Variants in WWP2 observed in about 807,000 individuals in gnomAD.
WWP2 encodes NEDD4-like E3 ubiquitin-protein ligase WWP2.
Under a neutral mutation model 121.0 loss-of-function variants are expected in WWP2, and 57 were observed. The ratio of observed to expected loss-of-function variants is 0.47; its 90% CI spans 0.38 to 0.59. WWP2 has a LOEUF of 0.59. WWP2 is among the 20% of genes least tolerant of loss of function. The pLI is 0.00. For missense variants in WWP2, 962 were observed against 1,158.9 expected (o/e 0.83, Z 2.47); for synonymous variants, 449 against 441.3 (o/e 1.02, Z -0.22).
At chr16:69,777,220 A>G (rs898087996) in intron 1 of WWP2, among the ~76,000 whole-genome samples, 4 of 149,130 alleles carry the variant, frequency 2.7e-5, no homozygotes, top group Non-Finnish European at 5.9e-5. Flanking sequence ...TCATATATGC[A>G]CCTATTAATA....
chr16:69,880,314 A>G (rs1463194984), intron 7 of WWP2, among the ~76,000 whole-genome samples: 1 of 152,026 alleles, frequency 6.6e-6, no homozygotes. Flanking sequence ...TCTTACATAC[A>G]GTGAGAATTT....
chr16:69,804,951 A>T (rs1461513333), intron 4 of WWP2, among the ~76,000 whole-genome samples: 1 of 151,736 alleles, frequency 6.6e-6, no homozygotes, highest in Non-Finnish European at 1.5e-5. Flanking sequence ...TTGTTGGTAA[A>T]TGGCTGTTTC....
At position 69,939,268 on chromosome 16, in the gene WWP2, G is replaced by A. The variant is rs1466513394; in HGVS notation, c.2441-73G>A. 3.1e-6 allele frequency: 5 copies of A among 1,597,472 alleles called. No individual in the cohort carries two copies. The East Asian group carries it at 1.1e-4, about 36-fold the overall frequency. On this transcript the variant is annotated intron_variant, in intron 22 of 23. Transcript: ENST00000359154. ...CATCCTGGGGCCGAGCCCATCTGTG[G>A]GTGGAGCCGGAGGATCCTGCTTTGG...
At chr16:69,893,722 T>C (rs554830806) in intron 8 of WWP2, among the ~76,000 whole-genome samples, 1 of 152,268 alleles carries the variant, frequency 6.6e-6, no homozygotes, top group African/African-American at 2.4e-5. Flanking sequence ...TTTGTATTTT[T>C]TAGTAGAGCC....
At chr16:69,911,257 A>G (rs1437891220) in intron 9 of WWP2, among the ~76,000 whole-genome samples, 5 of 152,224 alleles carry the variant, frequency 3.3e-5, no homozygotes, top group African/African-American at 4.8e-5. Context: ...AGCAATAAGT[A>G]TTGGACCTAG....
chr16:69,904,713 C>G (rs936771376), intron 8 of WWP2, among the ~76,000 whole-genome samples: 1 of 152,162 alleles, frequency 6.6e-6, no homozygotes, highest in Non-Finnish European at 1.5e-5. Context: ...AGATCCTGCC[C>G]TTTTGGTAAA....
intron 6 of WWP2, among the ~76,000 whole-genome samples, chr16:69,861,248 A>G (rs1219898289): frequency 6.6e-6 from 1 of 151,494 alleles, no homozygotes; most frequent in Non-Finnish European, 1.5e-5. Context: ...TCCCCTCTGA[A>G]CTCTCTAGCT....
At chr16:69,908,011 T>G (rs1597143342) in intron 8 of WWP2, among the ~76,000 whole-genome samples, 1 of 151,966 alleles carries the variant, frequency 6.6e-6, no homozygotes, top group African/African-American at 2.4e-5. Context: ...CAGGCCAAGG[T>G]GGGTGGGTCG....
chr16:69,876,765 T>C (rs2057743335), intron 7 of WWP2, among the ~76,000 whole-genome samples: 1 of 152,198 alleles, frequency 6.6e-6, no homozygotes, highest in African/African-American at 2.4e-5. Context: ...AAAACAACAT[T>C]AATCTCCTTG....
At chr16:69,936,019 G>A (rs1467436936) in intron 18 of WWP2, 33 bp downstream of exon 18, 16 of 1,607,020 alleles carry the variant, frequency 1.0e-5, no homozygotes, top group Non-Finnish European at 1.3e-5. Flanking sequence ...CCACCGCGCT[G>A]ATAGGAGGGA....
At chr16:69,802,951 A>G (rs2056201743) in intron 4 of WWP2, among the ~76,000 whole-genome samples, 1 of 152,102 alleles carries the variant, frequency 6.6e-6, no homozygotes, top group South Asian at 2.1e-4. Context: ...ATCTGAAAAA[A>G]TCTGAAATCC....
chr16:69,919,988 T>G (rs1295954025), intron 10 of WWP2, among the ~76,000 whole-genome samples: 5 of 151,784 alleles, frequency 3.3e-5, no homozygotes, highest in Non-Finnish European at 5.9e-5. Flanking sequence ...AGAGATGGGG[T>G]TTTGCCATGT....
Position 69,930,240 on chromosome 16 carries a change from G to C in WWP2, c.1427G>C (p.Arg476Pro), listed in dbSNP as rs1194651524. 6.2e-7 allele frequency: 1 copy of C among 1,613,762 alleles called. No homozygotes were observed. The highest frequency in any genetic ancestry group is 1.3e-5 in the African/African-American group (1 of 74,916). Reference protein sequence around the residue: ...NTRTTTFKDPRPGFESGTKQG... With the variant: ...NTRTTTFKDPPPGFESGTKQG... ...CGCACCACCACCTTTAAGGATCCTC[G>C]CCCGGGGTTTGAGTCGGGGTAAGGA... The change falls in exon 13 of 24, where the codon CGC (arginine) becomes CCC (proline). Residue 476 changes from arginine (R) to proline (P), a missense_variant. Arg to Pro is a moderately radical substitution (Grantham distance 103). This residue lies in a region of WWP2 where 606 missense variants were observed against 772.6 expected (regional missense o/e 0.78). Coordinates refer to ENST00000359154, the MANE Select transcript of WWP2 (RefSeq NM_001270454.2).
At chr16:69,855,085 G>A (rs1448371567) in intron 6 of WWP2, among the ~76,000 whole-genome samples, 7 of 152,310 alleles carry the variant, frequency 4.6e-5, no homozygotes, top group South Asian at 4.1e-4. Flanking sequence ...GAACTCAAGC[G>A]ATCCACCAGC....
At chr16:69,767,980 G>A (rs1296582079) in intron 1 of WWP2, among the ~76,000 whole-genome samples, 4 of 152,058 alleles carry the variant, frequency 2.6e-5, no homozygotes, top group Non-Finnish European at 5.9e-5. Context: ...TGAGACTATA[G>A]GCATGTGCCA....
intron 9 of WWP2, 187 bp downstream of exon 9, chr16:69,909,037 T>C: frequency 7.3e-7 from 1 of 1,368,848 alleles, no homozygotes. Context: ...ATTAGAATTA[T>C]TAGAAGATCT....
rs935322232 is a variant in WWP2, at chr16:69,839,121, G to A, written c.341-1005G>A. Among the ~76,000 whole-genome samples the A allele has an allele frequency of 1.6e-4, 20 of 125,150 alleles. No homozygotes were observed. In the East Asian group the frequency reaches 4.0e-3, roughly 25 times the overall value. The allele number at this position is 125,150 out of a possible 152,430, so 82.1% of individuals were successfully genotyped here. On this transcript the variant is annotated intron_variant, in intron 4 of 23. Transcript: ENST00000359154. ...AGGTAAGATAGCTTATAATCATGCAGTAGCAACTAAGAAATAAAACAAAGT... is the reference window on the plus strand; with the variant it reads ...AGGTAAGATAGCTTATAATCATGCAATAGCAACTAAGAAATAAAACAAAGT...
chr16:69,937,757 C>A lies in WWP2; in HGVS notation c.2343+105C>A. On this transcript the variant is annotated intron_variant, in intron 21 of 23. Transcript: ENST00000359154. This position sits in a 1 kb window ranked among gnomAD's most constrained non-coding sequence, Gnocchi z 6.6. ...CAAGGACCTTCAGCTTTGGCCCTGT[C>A]CTTGCCTCCCACACCTTGCAAAAGG... 1.9e-6 allele frequency: 2 copies of A among 1,053,982 alleles called. No homozygotes were observed. Among genetic ancestry groups the A allele is most frequent in the South Asian group, 1.4e-5 (1 of 71,360 alleles). 65.3% of individuals were successfully genotyped at this position (1,053,982 alleles called of 1,614,324 possible). A position where few individuals can be genotyped will look rare whatever the true frequency, so the allele number is the denominator to read the frequency against.
chr16:69,822,551 T>C (rs1299536371), intron 4 of WWP2, among the ~76,000 whole-genome samples: 1 of 150,528 alleles, frequency 6.6e-6, no homozygotes, highest in Non-Finnish European at 1.5e-5. Context: ...GTGTGTGTGT[T>C]TGTGTGTGTG....
Sources: allele counts gnomAD v4.1 joint callset (sites outside exome capture counted in the v4.1 genomes callset), GRCh38; gene constraint gnomAD v4.1.1; regional missense constraint gnomAD v4.1.1; non-coding constraint Gnocchi (gnomAD v3.1); transcripts MANE v1.5; gene names NCBI Gene and HGNC (gene_info 2026-07-23, HGNC 2026-07-21).